Variants in FGF1 observed in about 807,000 individuals in gnomAD.
FGF1 encodes the protein fibroblast growth factor 1.
In FGF1, 9 loss-of-function variants were observed where a neutral mutation model predicts 13.4. The ratio of observed to expected loss-of-function variants is 0.67; its 90% CI spans 0.40 to 1.17. The LOEUF (loss-of-function observed/expected upper bound fraction) is 1.17, where lower values mean the gene tolerates loss of function less well. FGF1 is among the 50% of genes most tolerant of loss of function. The pLI is 0.01. For missense variants in FGF1, 156 were observed against 192.7 expected (o/e 0.81, Z 1.13); for synonymous variants, 93 against 79.0 (o/e 1.18, Z -0.94).
At chr5:142,645,638 G>A (rs958076757) in intron 1 of FGF1, among the ~76,000 whole-genome samples, 2 of 152,196 alleles carry the variant, frequency 1.3e-5, no homozygotes, top group Non-Finnish European at 2.9e-5. Context: ...TTATCACAAT[G>A]CCTGGCATGT....
chr5:142,642,804 G>A (rs1361893072), intron 1 of FGF1, among the ~76,000 whole-genome samples: 5 of 152,226 alleles, frequency 3.3e-5, no homozygotes, highest in Non-Finnish European at 7.3e-5. Context: ...CTGGGATCCT[G>A]TAGACCAGTG....
intron 1 of FGF1, among the ~76,000 whole-genome samples, chr5:142,632,373 G>T (rs1763512752): frequency 6.6e-6 from 1 of 152,280 alleles, no homozygotes; most frequent in South Asian, 2.1e-4. Context: ...GTTGTTCAAA[G>T]ATACTTCTCA....
rs111598513 is a variant in FGF1, at chr5:142,654,754, T to C, written c.-35+31203A>G. Among the ~76,000 whole-genome samples the C allele has an allele frequency of 7.0e-3, 1,066 of 152,332 alleles. 8 individuals are homozygous for C. The highest frequency in any genetic ancestry group is 0.022 in the African/African-American group (935 of 41,564). On this transcript the variant is annotated intron_variant, in intron 1 of 3. Coordinates refer to ENST00000337706, the MANE Select transcript of FGF1 (RefSeq NM_000800.5). ...TCGTTGGAAGGAAACACTCCCTCTTTAGGGTTGGCTCCTTCCAGGGGCCAA... is the reference window on the plus strand; with the variant it reads ...TCGTTGGAAGGAAACACTCCCTCTTCAGGGTTGGCTCCTTCCAGGGGCCAA...
intron 1 of FGF1, among the ~76,000 whole-genome samples, chr5:142,623,160 T>C (rs746017508): frequency 1.2e-4 from 19 of 152,222 alleles, no homozygotes; most frequent in Non-Finnish European, 2.5e-4. Flanking sequence ...TAAACTTGGG[T>C]TTGAATCCTG....
At chr5:142,641,732 C>A (rs1312559504) in intron 1 of FGF1, among the ~76,000 whole-genome samples, 3 of 151,816 alleles carry the variant, frequency 2.0e-5, no homozygotes, top group Non-Finnish European at 4.4e-5. Context: ...AAACTGAGAT[C>A]TTGAGAAATT....
intron 1 of FGF1, among the ~76,000 whole-genome samples, chr5:142,620,962 G>A (rs966693237): frequency 4.6e-5 from 7 of 152,158 alleles, no homozygotes; most frequent in African/African-American, 7.2e-5. Context: ...TACCTTTTTA[G>A]TGTCTCCTAA....
chr5:142,595,519 C>A, intron 3 of FGF1, 35 bp from the exon 4 acceptor site: 2 of 1,574,642 alleles, frequency 1.3e-6, no homozygotes, highest in Non-Finnish European at 1.7e-6. Flanking sequence ...GTAGGACAAT[C>A]AGTGAGTAGT....
At chr5:142,596,371 G>A (rs1755257132) in intron 3 of FGF1, among the ~76,000 whole-genome samples, 1 of 150,882 alleles carries the variant, frequency 6.6e-6, no homozygotes, top group Non-Finnish European at 1.5e-5. Flanking sequence ...TTGGGAGGCT[G>A]AGGCAGGAGG....
At chr5:142,642,013 C>T (rs1203259688) in intron 1 of FGF1, among the ~76,000 whole-genome samples, 3 of 151,998 alleles carry the variant, frequency 2.0e-5, no homozygotes, top group Non-Finnish European at 4.4e-5. Context: ...GATGATTAAC[C>T]TCTCAAATAG....
At position 142,669,640 on chromosome 5, in the gene FGF1, C is replaced by T. The variant is rs369964392; in HGVS notation, c.-35+16317G>A. ...GCCAGGAGCAGCCCATCTGGCAGGA[C>T]GACTGCTGCACTCGCTGTGGGGCGT... On this transcript the variant is annotated intron_variant, in intron 1 of 3. Transcript: ENST00000337706. 4.6e-5 allele frequency among the ~76,000 whole-genome samples: 7 copies of T among 152,094 alleles called. No individual in the cohort carries two copies. In the South Asian group the frequency reaches 1.0e-3, roughly 23 times the overall value.
At chr5:142,606,452 T>TA (rs964813315) in intron 2 of FGF1, among the ~76,000 whole-genome samples, 31 of 143,390 alleles carry the variant, frequency 2.2e-4, no homozygotes, top group African/African-American at 8.1e-4. Context: ...CCGTCTCTAC[T>TA]AAAAATACAA....
intron 1 of FGF1, among the ~76,000 whole-genome samples, chr5:142,614,616 G>A (rs1262135024): frequency 6.6e-6 from 1 of 152,138 alleles, no homozygotes; most frequent in Non-Finnish European, 1.5e-5. Flanking sequence ...GTGAGGTACC[G>A]CGAAGCAGAT....
chr5:142,595,353 A>T lies in FGF1; in HGVS notation c.405T>A (p.Gly135=). 6.2e-7 allele frequency: 1 copy of T among 1,614,030 alleles called. No individual in the cohort carries two copies. ...CTTTCTGGCCATAGTGAGTCCGAGGACCGCGTTTGCAGCTCCCATTCTTCT... is the reference window on the plus strand; with the variant it reads ...CTTTCTGGCCATAGTGAGTCCGAGGTCCGCGTTTGCAGCTCCCATTCTTCT... ...GLKKNGSCKR[G]PRTHYGQKAI... Residue 135 remains glycine, a synonymous_variant, in exon 4 of 4, where the codon GGT becomes GGA. Transcript: ENST00000337706.
intron 1 of FGF1, among the ~76,000 whole-genome samples, chr5:142,643,920 G>A (rs769982822): frequency 1.2e-4 from 19 of 152,154 alleles, no homozygotes; most frequent in South Asian, 4.1e-4. Context: ...TCATGTTAGC[G>A]CAAGCAATAA....
At chr5:142,616,612 CCTT>C (rs1760300091) in intron 1 of FGF1, among the ~76,000 whole-genome samples, 1 of 152,100 alleles carries the variant, frequency 6.6e-6, no homozygotes, top group Admixed American at 6.5e-5. Flanking sequence ...GCCTCTAAGT[CCTT>C]CTGTGTCCAC....
chr5:142,641,554 A>G (rs892886281), intron 1 of FGF1, among the ~76,000 whole-genome samples: 4 of 152,086 alleles, frequency 2.6e-5, no homozygotes, highest in Non-Finnish European at 5.9e-5. Context: ...AAAAACCAGT[A>G]TCACTTGCCA....
At chr5:142,693,528 T>C (rs908348008) in intron 2 of FGF1, among the ~76,000 whole-genome samples, 8 of 152,196 alleles carry the variant, frequency 5.3e-5, no homozygotes, top group African/African-American at 1.9e-4. Context: ...TAAATGACTT[T>C]ATTGAGATAT....
chr5:142,617,498 C>T (rs1213136251), intron 1 of FGF1, among the ~76,000 whole-genome samples: 2 of 152,130 alleles, frequency 1.3e-5, no homozygotes, highest in Non-Finnish European at 2.9e-5. Flanking sequence ...CTCAGGGGCC[C>T]CTCCCTCCTG....
chr5:142,671,197 T>C (rs558152423), intron 1 of FGF1, among the ~76,000 whole-genome samples: 12 of 152,376 alleles, frequency 7.9e-5, no homozygotes, highest in African/African-American at 2.6e-4. Flanking sequence ...AAGGAAAACA[T>C]ATATTCAAGA....
Sources: gnomAD v4.1 joint callset for allele counts (sites outside exome capture counted in the v4.1 genomes callset) on GRCh38, gnomAD v4.1.1 for gene constraint, MANE v1.5 for transcripts, NCBI Gene and HGNC (gene_info 2026-07-23, HGNC 2026-07-21) for gene names.